Variants in ZYG11A observed in about 807,000 individuals in gnomAD.
ZYG11A encodes zyg-11 family member A, cell cycle regulator.
A neutral mutation model predicts 77.2 loss-of-function variants in ZYG11A; 62 were observed. That is an observed-to-expected ratio of 0.80 (90% confidence interval 0.65 to 0.99). The LOEUF (loss-of-function observed/expected upper bound fraction) is 0.99. Among genes scored for constraint, ZYG11A ranks in the 50% least tolerant of loss-of-function variants. The pLI is 0.00. For missense variants in ZYG11A, 828 were observed against 896.8 expected (o/e 0.92, Z 0.98); for synonymous variants, 315 against 324.6 (o/e 0.97, Z 0.32).
intron 8 of ZYG11A, among the ~76,000 whole-genome samples, chr1:52,869,942 T>C (rs1403845974): frequency 4.0e-3 from 186 of 46,034 alleles, no homozygotes; most frequent in Non-Finnish European, 7.5e-3. Flanking sequence ...CCAGACAGGG[T>C]GGCTGGCCGG....
intron 1 of ZYG11A, among the ~76,000 whole-genome samples, chr1:52,843,183 G>A (rs1005446842): frequency 2.0e-5 from 3 of 152,092 alleles, no homozygotes; most frequent in Non-Finnish European, 4.4e-5. Flanking sequence ...GCGGAGCGGG[G>A]GGTGCTTTTC....
chr1:52,854,327 C>T (rs1645767387), intron 1 of ZYG11A, 138 bp from the exon 2 acceptor site: 1 of 764,206 alleles, frequency 1.3e-6, no homozygotes, highest in African/African-American at 1.8e-5. Context: ...GGTTTCGTTA[C>T]ATATAAATCA....
At chr1:52,855,131 G>A (rs1191601483) in intron 2 of ZYG11A, among the ~76,000 whole-genome samples, 1 of 151,562 alleles carries the variant, frequency 6.6e-6, no homozygotes, top group Admixed American at 6.6e-5. Flanking sequence ...CAAAGTGCTG[G>A]GATTACAGAC....
At chr1:52,851,398 A>C (rs754172286) in intron 1 of ZYG11A, among the ~76,000 whole-genome samples, 1 of 150,196 alleles carries the variant, frequency 6.7e-6, no homozygotes, top group Non-Finnish European at 1.5e-5. Context: ...CAGTCAATTT[A>C]TTCTTCTTAT....
chr1:52,845,524 A>G (rs1486364476), intron 1 of ZYG11A, among the ~76,000 whole-genome samples: 2 of 150,978 alleles, frequency 1.3e-5, no homozygotes, highest in African/African-American at 2.4e-5. Context: ...GGGTTTCACC[A>G]TGTTGCCCAG....
rs965088968 is a variant in ZYG11A, at chr1:52,867,787, T to G, written c.1542+10T>G. ...TTTCATGGCAGTTAAGGTAGGTTCC[T>G]TGTCATGTTCATAACCTTTTTTTAA... On this transcript the variant is annotated intron_variant, in intron 8 of 13. Coordinates refer to ENST00000371528, the MANE Select transcript of ZYG11A (RefSeq NM_001004339.3). 6.5e-7 allele frequency: 1 copy of G among 1,550,182 alleles called. No homozygotes were observed. The highest frequency in any genetic ancestry group is 1.4e-5 in the African/African-American group (1 of 72,944).
chr1:52,877,626 C>A (rs555532007), intron 8 of ZYG11A, 56 bp from the exon 9 acceptor site: 5 of 1,440,048 alleles, frequency 3.5e-6, no homozygotes, highest in Middle Eastern at 2.0e-4. Flanking sequence ...TTCCTTATAC[C>A]GCAATTGATT....
chr1:52,869,687 C>A (rs936716006), intron 8 of ZYG11A, among the ~76,000 whole-genome samples: 2 of 151,946 alleles, frequency 1.3e-5, no homozygotes, highest in African/African-American at 4.9e-5. Flanking sequence ...TCAATCTTTT[C>A]CCCACCTTTC....
At chr1:52,849,135 C>T (rs895187694) in intron 1 of ZYG11A, among the ~76,000 whole-genome samples, 6 of 152,072 alleles carry the variant, frequency 3.9e-5, no homozygotes, top group African/African-American at 1.2e-4. Context: ...GTGATCTCAC[C>T]TCACTGTAAC....
chr1:52,880,294 A>T (rs7537076), intron 10 of ZYG11A, among the ~76,000 whole-genome samples: 4,184 of 152,104 alleles, frequency 0.028, 213 homozygotes, highest in African/African-American at 0.096. Context: ...TTAGTGTCCT[A>T]TGTGCCTCAA....
Position 52,867,707 on chromosome 1 carries a change from G to A in ZYG11A, c.1492-20G>A. On this transcript the variant is annotated intron_variant, in intron 7 of 13. Coordinates refer to ENST00000371528, the MANE Select transcript of ZYG11A (RefSeq NM_001004339.3). ...TATACAGGTTCCATAGTTCACTTGA[G>A]CCTTTCTGTTTGCTTATAGCTCTCA... The A allele has an allele frequency of 6.4e-7, 1 of 1,551,474 alleles. No homozygotes were observed. Among genetic ancestry groups the A allele is most frequent in the Non-Finnish European group, 8.7e-7 (1 of 1,146,898 alleles).
chr1:52,879,782 A>AT (rs961733822), intron 10 of ZYG11A, among the ~76,000 whole-genome samples: 1 of 148,454 alleles, frequency 6.7e-6, no homozygotes, highest in African/African-American at 2.5e-5. Context: ...TTATTTATTT[A>AT]TTTTTGTCTC....
chr1:52,870,083 G>C (rs1165115362), intron 8 of ZYG11A, among the ~76,000 whole-genome samples: 3 of 151,302 alleles, frequency 2.0e-5, no homozygotes, highest in Non-Finnish European at 3.0e-5. Flanking sequence ...CGGCCGGGCA[G>C]AGGCGCTCCT....
At chr1:52,878,230 T>C (rs1646297253) in intron 10 of ZYG11A, among the ~76,000 whole-genome samples, 1 of 152,232 alleles carries the variant, frequency 6.6e-6, no homozygotes, top group South Asian at 2.1e-4. Flanking sequence ...TCAGCTCAGC[T>C]GTAAAGTTCT....
intron 13 of ZYG11A, among the ~76,000 whole-genome samples, chr1:52,887,458 G>T (rs1478076853): frequency 6.6e-6 from 1 of 152,066 alleles, no homozygotes; most frequent in Non-Finnish European, 1.5e-5. Context: ...ACAGTTTATT[G>T]CTGACACTCT....
intron 5 of ZYG11A, among the ~76,000 whole-genome samples, chr1:52,865,572 CCAA>C (rs1646009584): frequency 6.6e-6 from 1 of 152,040 alleles, no homozygotes; most frequent in African/African-American, 2.4e-5. Context: ...TCCCAAATGT[CCAA>C]CAACAGGCGA....
At chr1:52,889,955 C>T (rs972596113) in intron 13 of ZYG11A, among the ~76,000 whole-genome samples, 1 of 151,802 alleles carries the variant, frequency 6.6e-6, no homozygotes, top group Non-Finnish European at 1.5e-5. Flanking sequence ...CCTCATGATC[C>T]ACCCGCCTTG....
rs185640214 is a variant in ZYG11A at position 52,885,996 on chromosome 1, A to C, written c.2006+102A>C. The stretch of plus-strand genomic sequence containing the variant: ...CGCCCAGGCTGGAGTGCAGTGGCAC[A>C]ATCTTGGCTCACTGCAAGCTCCACC... On this transcript the variant is annotated intron_variant, in intron 12 of 13. Coordinates refer to ENST00000371528, the MANE Select transcript of ZYG11A (RefSeq NM_001004339.3). 4 of 861,720 alleles carry C rather than the reference A, an allele frequency of 4.6e-6. No individual in the cohort carries two copies. The African/African-American group carries it at 7.0e-5, about 15-fold the overall frequency. 53.4% of individuals were successfully genotyped at this position (861,720 alleles called of 1,614,324 possible).
intron 8 of ZYG11A, among the ~76,000 whole-genome samples, chr1:52,869,737 C>T (rs1646105488): frequency 6.6e-6 from 1 of 151,990 alleles, no homozygotes; most frequent in African/African-American, 2.4e-5. Flanking sequence ...GTCATCATGG[C>T]CCGTTCTCAA....
Sources: allele counts gnomAD v4.1 joint callset (sites outside exome capture counted in the v4.1 genomes callset), GRCh38; gene constraint gnomAD v4.1.1; transcripts MANE v1.5; gene names NCBI Gene and HGNC (gene_info 2026-07-23, HGNC 2026-07-21).